Variants in KCTD4 observed in about 807,000 individuals in gnomAD.
KCTD4 encodes BTB/POZ domain-containing protein KCTD4.
A neutral mutation model predicts 18.3 loss-of-function variants in KCTD4; 12 were observed. The observed-to-expected ratio is 0.66, with a 90% CI of 0.42 to 1.06. The LOEUF (loss-of-function observed/expected upper bound fraction) is 1.06. Ranked by LOEUF, KCTD4 falls within the 50% of genes least tolerant of loss-of-function variation. The pLI, the probability that KCTD4 is intolerant of heterozygous loss-of-function variation, is 0.00. For synonymous variants in KCTD4, 124 were observed against 110.5 expected (o/e 1.12, Z -0.76); for missense variants, 250 against 303.4 (o/e 0.82, Z 1.31).
rs1674398187 is a variant in KCTD4, at chr13:45,194,522, C to T, written c.46G>A (p.Gly16Arg). The stretch of plus-strand genomic sequence containing the variant: ...GTATCTTCCAGGCTGTTGTGTTTCC[C>T]TTCATACTCCTTTTCTTTTTCTCTT... ...NRREKEKEYE[G>R]KHNSLEDTDQ... is the part of the protein sequence containing the mutation. Residue 16 changes from glycine (G) to arginine (R), a missense_variant, in exon 2 of 2, where the codon GGG becomes AGG. Transcript: ENST00000379108. 2 of 1,613,760 alleles carry T rather than the reference C, an allele frequency of 1.2e-6. No homozygotes were observed. Among genetic ancestry groups the T allele is most frequent in the Middle Eastern group, 1.7e-4 (1 of 6,060 alleles).
intron 1 of KCTD4, among the ~76,000 whole-genome samples, chr13:45,198,250 A>G (rs1412530264): frequency 6.6e-6 from 1 of 152,174 alleles, no homozygotes; most frequent in African/African-American, 2.4e-5. Context: ...TCTTTTTACC[A>G]ACTCCTTATG....
At position 45,196,961 on chromosome 13, in the gene KCTD4, G is replaced by A. The variant is rs538957852; in HGVS notation, c.-187-2207C>T. ...CAGGTTTTCAAAACCACTGATGAGT[G>A]CTCGTTTCTGCAGGCTTGCCTGAAC... On this transcript the variant is annotated intron_variant, in intron 1 of 1. Transcript: ENST00000379108. Among the ~76,000 whole-genome samples the A allele has an allele frequency of 2.1e-3, 325 of 152,042 alleles. 1 individual carries two copies. The highest frequency in any genetic ancestry group is 7.7e-3 in the African/African-American group (320 of 41,458).
In KCTD4 at chr13:45,194,755, C is replaced by T. The variant is rs1872808997; in HGVS notation, c.-187-1G>A. ...ATCAGCCTATGTATGCAGGAGCTTT[C>T]TGGAGTAAGACGGAAAAGAGAATTT... On this transcript the variant is annotated splice_acceptor_variant, in intron 1 of 1. Transcript: ENST00000379108. LOFTEE classifies it low-confidence loss of function (5UTR_SPLICE). 2 of 594,548 alleles carry T rather than the reference C, an allele frequency of 3.4e-6. No individual in the cohort carries two copies. Among genetic ancestry groups the T allele is most frequent in the Non-Finnish European group, 6.1e-6 (2 of 329,652 alleles). The allele number at this position is 594,548 out of a possible 1,614,324, so 36.8% of individuals were successfully genotyped here. A position where few individuals can be genotyped will look rare whatever the true frequency, so the allele number is the denominator to read the frequency against.
Position 45,193,693 on chromosome 13 carries a change from G to C in KCTD4, c.*95C>G. The C allele has an allele frequency of 8.6e-7, 1 of 1,157,414 alleles. No individual in the cohort carries two copies. The highest frequency in any genetic ancestry group is 1.5e-5 in the South Asian group (1 of 66,276). The allele number at this position is 1,157,414 out of a possible 1,614,324, so 71.7% of individuals were successfully genotyped here. A position where few individuals can be genotyped will look rare whatever the true frequency, so the allele number is the denominator to read the frequency against. ...TAGTAGCAGGGCTCTGTAGTACAGA[G>C]CTAGCTGGGCATGTTATTTGGGATG... On this transcript the variant is annotated 3_prime_UTR_variant, in exon 2 of 2. Transcript: ENST00000379108.
At chr13:45,199,821 G>T (rs990712583) in intron 1 of KCTD4, among the ~76,000 whole-genome samples, 5 of 152,146 alleles carry the variant, frequency 3.3e-5, no homozygotes, top group Admixed American at 6.5e-5. Flanking sequence ...GTATACTAGC[G>T]CCTGCCACTG....
intron 1 of KCTD4, among the ~76,000 whole-genome samples, chr13:45,197,368 G>T (rs976998542): frequency 2.0e-5 from 3 of 151,502 alleles, no homozygotes; most frequent in South Asian, 2.1e-4. Flanking sequence ...ATTAGCTGGG[G>T]TGTGTTGGTG....
chr13:45,200,409 T>C (rs1873118919), intron 1 of KCTD4, among the ~76,000 whole-genome samples: 1 of 144,428 alleles, frequency 6.9e-6, no homozygotes, highest in African/African-American at 2.6e-5. Flanking sequence ...GCTCAGGTGA[T>C]CTTCCTGCCT....
chr13:45,198,664 C>T (rs1873025079), intron 1 of KCTD4, among the ~76,000 whole-genome samples: 1 of 152,170 alleles, frequency 6.6e-6, no homozygotes, highest in Non-Finnish European at 1.5e-5. Flanking sequence ...TTACTTAAAT[C>T]TGACAGTATA....
chr13:45,194,793 A>T, intron 1 of KCTD4, 39 bp from the exon 2 acceptor site: 1 of 543,254 alleles, frequency 1.8e-6, no homozygotes, highest in Non-Finnish European at 3.3e-6. Context: ...ATTTAACTGT[A>T]TCAGGGAAGG....
intron 1 of KCTD4, among the ~76,000 whole-genome samples, chr13:45,199,214 G>A (rs978586266): frequency 2.0e-5 from 3 of 152,196 alleles, no homozygotes; most frequent in African/African-American, 7.2e-5. Flanking sequence ...GTTGAACTGC[G>A]TCTTCAAGGA....
chr13:45,199,087 A>T (rs934583717), intron 1 of KCTD4, among the ~76,000 whole-genome samples: 4 of 152,208 alleles, frequency 2.6e-5, no homozygotes, highest in African/African-American at 9.7e-5. Flanking sequence ...ACAGCATCTC[A>T]CAAACTGTGC....
intron 1 of KCTD4, among the ~76,000 whole-genome samples, chr13:45,199,521 T>C (rs1873072523): frequency 6.6e-6 from 1 of 152,148 alleles, no homozygotes; most frequent in Non-Finnish European, 1.5e-5. Flanking sequence ...AAAATGAAGT[T>C]TTTTTTTGAA....
Position 45,194,434 on chromosome 13 carries a change from A to T in KCTD4, c.134T>A (p.Ile45Asn), listed in dbSNP as rs765785812. 2 of 1,614,176 alleles carry T rather than the reference A, an allele frequency of 1.2e-6. No individual in the cohort carries two copies. Among genetic ancestry groups the T allele is most frequent in the Non-Finnish European group, 1.7e-6 (2 of 1,180,012 alleles). The change falls in exon 2 of 2, where the codon ATT becomes AAT. Residue 45 changes from isoleucine to asparagine, a missense_variant. Transcript: ENST00000379108. ...MTLNVGGYLY[I>N]TQKQTLTKYP... ...CTTGGTCAGTGTTTGTTTTTGAGTAATGTATAAATATCCACCAACGTTGAG... is the reference window on the plus strand; with the variant it reads ...CTTGGTCAGTGTTTGTTTTTGAGTATTGTATAAATATCCACCAACGTTGAG...
intron 1 of KCTD4, among the ~76,000 whole-genome samples, chr13:45,199,640 T>C (rs983628478): frequency 5.9e-5 from 9 of 152,236 alleles, no homozygotes; most frequent in Non-Finnish European, 1.2e-4. Flanking sequence ...TGTACAGAAC[T>C]CATTTTTATA....
chr13:45,197,468 C>T (rs948752611), intron 1 of KCTD4, among the ~76,000 whole-genome samples: 7 of 147,888 alleles, frequency 4.7e-5, no homozygotes, highest in African/African-American at 1.8e-4. Context: ...GAGATAGCGC[C>T]ACTGCACTCC....
At chr13:45,196,181 C>T (rs939259156) in intron 1 of KCTD4, among the ~76,000 whole-genome samples, 4 of 152,112 alleles carry the variant, frequency 2.6e-5, no homozygotes, top group Admixed American at 6.6e-5. Flanking sequence ...TCGTTGAAAT[C>T]GAACTAGAAA....
At position 45,194,348 on chromosome 13, in the gene KCTD4, C is replaced by G; in HGVS notation, c.220G>C (p.Asp74His). ...NGKILCPFDA[D>H]GHYFIDRDGL... ...TCCCTGTCTATGAAATAATGACCAT[C>G]AGCATCAAACGGGCAGAGGATTTTT... The change falls in exon 2 of 2, where the codon GAT becomes CAT. Residue 74 changes from aspartate (D) to histidine (H), a missense_variant. Transcript: ENST00000379108. 1 of 1,614,138 alleles carries G rather than the reference C, an allele frequency of 6.2e-7. No individual in the cohort carries two copies. The highest frequency in any genetic ancestry group is 1.3e-5 in the African/African-American group (1 of 75,044).
rs1029963822 is a variant in KCTD4 at position 45,200,840 on chromosome 13, T to C, written c.-204A>G. Among the ~76,000 whole-genome samples the C allele has an allele frequency of 6.6e-6, 1 of 152,174 alleles. No homozygotes were observed. Among genetic ancestry groups the C allele is most frequent in the East Asian group, 1.9e-4 (1 of 5,192 alleles). ...TAAATGTACCTGCTTCTTGAAAAGATTATTTCTTCAGTCTTTTCCCAGAGA... is the reference window on the plus strand; with the variant it reads ...TAAATGTACCTGCTTCTTGAAAAGACTATTTCTTCAGTCTTTTCCCAGAGA... On this transcript the variant is annotated 5_prime_UTR_variant, in exon 1 of 2. Transcript: ENST00000379108.
intron 1 of KCTD4, among the ~76,000 whole-genome samples, chr13:45,195,964 A>T (rs916570882): frequency 4.6e-5 from 7 of 152,148 alleles, no homozygotes; most frequent in Non-Finnish European, 8.8e-5. Flanking sequence ...CCACACTGTT[A>T]AAAGTTAGAC....
Sources: allele counts gnomAD v4.1 joint callset (sites outside exome capture counted in the v4.1 genomes callset), GRCh38; gene constraint gnomAD v4.1.1; transcripts MANE v1.5; gene names NCBI Gene and HGNC (gene_info 2026-07-23, HGNC 2026-07-21).